Variants in ERI3 observed in about 807,000 individuals in gnomAD.
The protein encoded by ERI3 is ERI1 exoribonuclease family member 3.
In ERI3, 18 loss-of-function variants were observed where a neutral mutation model predicts 44.4. The observed-to-expected ratio is 0.41, with a 90% CI of 0.28 to 0.60. The LOEUF is 0.60. Ranked by LOEUF, ERI3 falls within the 20% of genes least tolerant of loss-of-function variation. The pLI is 0.36. For synonymous variants in ERI3, 183 were observed against 164.8 expected, an observed-to-expected ratio of 1.11 and a Z score of -0.84; for missense variants, 294 against 435.5, an observed-to-expected ratio of 0.68 and a Z score of 2.89.
At chr1:44,255,037 T>C (rs1644754159) in intron 7 of ERI3, among the ~76,000 whole-genome samples, 1 of 152,182 alleles carries the variant, frequency 6.6e-6, no homozygotes, top group Admixed American at 6.6e-5. Context: ...GGGGTTATAA[T>C]AGTTTCTACC....
intron 3 of ERI3, among the ~76,000 whole-genome samples, chr1:44,333,184 A>T (rs1557859869): frequency 6.6e-6 from 1 of 152,210 alleles, no homozygotes; most frequent in Admixed American, 6.5e-5. Flanking sequence ...AATACTACAC[A>T]CGCCAGATGA....
chr1:44,252,303 G>A lies in ERI3; in HGVS notation c.832-4265C>T, dbSNP rs1379169015. Among the ~76,000 whole-genome samples, 1 of 152,238 alleles carries A rather than the reference G, an allele frequency of 6.6e-6. No individual in the cohort carries two copies. Among genetic ancestry groups the A allele is most frequent in the Non-Finnish European group, 1.5e-5 (1 of 68,040 alleles). ...TCCCCTGGGCTGCTGCAATTTCCAT[G>A]CACAGGGAAGCAGGTGCCGAGCTGC... On this transcript the variant is annotated intron_variant, in intron 7 of 8. Transcript: ENST00000372257. This position sits in a 1 kb window ranked among gnomAD's most constrained non-coding sequence, Gnocchi z 4.7.
chr1:44,334,828 C>A (rs1375037594), intron 3 of ERI3, among the ~76,000 whole-genome samples: 1 of 152,198 alleles, frequency 6.6e-6, no homozygotes, highest in African/African-American at 2.4e-5. Flanking sequence ...TACAACAGGG[C>A]TTACACCTGT....
At chr1:44,342,837 A>T (rs1646696305) in intron 2 of ERI3, among the ~76,000 whole-genome samples, 1 of 27,194 alleles carries the variant, frequency 3.7e-5, no homozygotes, top group Non-Finnish European at 6.8e-5. Flanking sequence ...ATATATATAT[A>T]TATATATATA....
intron 3 of ERI3, among the ~76,000 whole-genome samples, chr1:44,332,082 C>T (rs1255836417): frequency 2.0e-5 from 3 of 152,172 alleles, no homozygotes; most frequent in Non-Finnish European, 4.4e-5. Flanking sequence ...AAGTTACTAT[C>T]CAAAGAGTAA....
At chr1:44,299,464 G>A (rs1286633179) in intron 6 of ERI3, among the ~76,000 whole-genome samples, 2 of 152,088 alleles carry the variant, frequency 1.3e-5, no homozygotes, top group African/African-American at 4.8e-5. Flanking sequence ...GGGATTCCAG[G>A]TGTGGGCCAC....
chr1:44,353,363 C>T, intron 1 of ERI3: 1 of 985,424 alleles, frequency 1.0e-6, no homozygotes, highest in African/African-American at 1.7e-5. Context: ...GAAACACTTT[C>T]AGGATAGTTC....
intron 6 of ERI3, among the ~76,000 whole-genome samples, chr1:44,294,821 A>C (rs1645577182): frequency 6.6e-6 from 1 of 152,142 alleles, no homozygotes; most frequent in Non-Finnish European, 1.5e-5. Flanking sequence ...AAGATAACTC[A>C]CTCATCCCAC....
chr1:44,288,184 T>G (rs1037248014), intron 6 of ERI3, among the ~76,000 whole-genome samples: 1 of 152,190 alleles, frequency 6.6e-6, no homozygotes, highest in African/African-American at 2.4e-5. Context: ...GCCTGAGATA[T>G]GGCTCAGCAG....
At chr1:44,294,620 G>A (rs1205437346) in intron 6 of ERI3, among the ~76,000 whole-genome samples, 1 of 152,246 alleles carries the variant, frequency 6.6e-6, no homozygotes, top group Admixed American at 6.5e-5. Context: ...TGCTGGAGCT[G>A]CCACCAGGGC....
chr1:44,242,375 TCTCA>T (rs1557777831), intron 8 of ERI3, among the ~76,000 whole-genome samples: 1 of 152,228 alleles, frequency 6.6e-6, no homozygotes, highest in Non-Finnish European at 1.5e-5. Flanking sequence ...ACTTCATGAA[TCTCA>T]CTGATTCTGA....
intron 3 of ERI3, among the ~76,000 whole-genome samples, chr1:44,323,387 A>G (rs1646243520): frequency 6.6e-6 from 1 of 152,198 alleles, no homozygotes; most frequent in Admixed American, 6.5e-5. Flanking sequence ...TCCATTCACA[A>G]AAGTGTAGTT....
intron 3 of ERI3, among the ~76,000 whole-genome samples, chr1:44,325,706 G>A (rs1363495674): frequency 6.6e-6 from 1 of 152,108 alleles, no homozygotes; most frequent in African/African-American, 2.4e-5. Flanking sequence ...CTGTCACCCA[G>A]GCTGGAGTAC....
Position 44,247,983 on chromosome 1 carries a change from T to C in ERI3, c.887A>G (p.Lys296Arg). The change falls in exon 8 of 9, where the codon AAG becomes AGG. Residue 296 changes from lysine to arginine, a missense_variant. Physicochemically the swap from Lys to Arg is conservative, Grantham distance 26. Around this residue, in one of 2 missense-constraint regions of ERI3, gnomAD observed 187 missense variants for 338.6 expected, o/e 0.55. Coordinates refer to ENST00000372257, the MANE Select transcript of ERI3 (RefSeq NM_024066.3). ...WPKNGLLDMNKGLSLQHIGRP... is the reference protein window; with the variant it reads ...WPKNGLLDMNRGLSLQHIGRP... ...GCCTATGTGTTGCAGGCTGAGGCCCTTGTTCATGTCTAGAAGTCCATTCTT... is the reference window on the plus strand; with the variant it reads ...GCCTATGTGTTGCAGGCTGAGGCCCCTGTTCATGTCTAGAAGTCCATTCTT... The C allele has an allele frequency of 1.2e-6, 2 of 1,612,840 alleles. No homozygotes were observed. Among genetic ancestry groups the C allele is most frequent in the Non-Finnish European group, 1.7e-6 (2 of 1,179,500 alleles).
At chr1:44,338,994 C>T (rs773368933) in intron 3 of ERI3, 51 bp downstream of exon 3, 2 of 1,589,744 alleles carry the variant, frequency 1.3e-6, no homozygotes, top group South Asian at 2.3e-5. Context: ...AACTATCCTC[C>T]CTCCCTCCTT....
At chr1:44,283,734 G>A (rs1471986347) in intron 7 of ERI3, among the ~76,000 whole-genome samples, 1 of 152,178 alleles carries the variant, frequency 6.6e-6, no homozygotes, top group Admixed American at 6.5e-5. Flanking sequence ...ATGGAACTAA[G>A]TCCAAGGTCA....
intron 6 of ERI3, among the ~76,000 whole-genome samples, chr1:44,298,052 G>C (rs1645647906): frequency 6.6e-6 from 1 of 152,368 alleles, no homozygotes; most frequent in Middle Eastern, 3.4e-3. Context: ...GCCTGGACAT[G>C]ACTAGGATTC....
chr1:44,260,530 G>C (rs1392604785), intron 7 of ERI3, among the ~76,000 whole-genome samples: 2 of 152,246 alleles, frequency 1.3e-5, no homozygotes, highest in Non-Finnish European at 2.9e-5. Context: ...CCACAGAGGA[G>C]AGGAGAGAGG....
chr1:44,261,721 C>A (rs755663889), intron 7 of ERI3, among the ~76,000 whole-genome samples: 5 of 152,218 alleles, frequency 3.3e-5, no homozygotes, highest in African/African-American at 7.2e-5. Context: ...TGTTCAAATT[C>A]TTTTCTTCCC....
Sources: allele counts gnomAD v4.1 joint callset (sites outside exome capture counted in the v4.1 genomes callset), GRCh38; gene constraint gnomAD v4.1.1; regional missense constraint gnomAD v4.1.1; non-coding constraint Gnocchi (gnomAD v3.1); transcripts MANE v1.5; gene names NCBI Gene and HGNC (gene_info 2026-07-23, HGNC 2026-07-21).